The following MAD2L2 variants were observed in gnomAD, a reference collection of about 807,000 sequenced individuals.
The protein encoded by MAD2L2 is mitotic spindle assembly checkpoint protein MAD2B.
A neutral mutation model predicts 30.5 loss-of-function variants in MAD2L2; 17 were observed. The observed-to-expected ratio is 0.56, with a 90% confidence interval of 0.38 to 0.84. The LOEUF (loss-of-function observed/expected upper bound fraction) is 0.84. Ranked by LOEUF, MAD2L2 falls within the 40% of genes least tolerant of loss-of-function variation. The pLI, the probability that MAD2L2 is intolerant of heterozygous loss-of-function variation, is 0.00. For synonymous variants in MAD2L2, 101 were observed against 113.9 expected (o/e 0.89, Z 0.72); for missense variants, 213 against 277.4 (o/e 0.77, Z 1.65).
chr1:11,678,184 G>A (rs758373847), intron 3 of MAD2L2, among the ~76,000 whole-genome samples: 1 of 151,954 alleles, frequency 6.6e-6, no homozygotes, highest in Non-Finnish European at 1.5e-5. Flanking sequence ...AGAGGATGAG[G>A]TGGGTGGATC....
chr1:11,675,898 T>C, intron 6 of MAD2L2, 148 bp downstream of exon 6: 1 of 881,982 alleles, frequency 1.1e-6, no homozygotes, highest in Non-Finnish European at 1.9e-6. Flanking sequence ...CCAGGTAGAA[T>C]CAATCAGGGA....
chr1:11,674,727 C>A lies in MAD2L2; in HGVS notation c.*48G>T. 1 of 1,596,436 alleles carries A rather than the reference C, an allele frequency of 6.3e-7. No homozygotes were observed. The highest frequency in any genetic ancestry group is 8.6e-7 in the Non-Finnish European group (1 of 1,165,026). On this transcript the variant is annotated 3_prime_UTR_variant, in exon 9 of 9. Transcript: ENST00000376692. The surrounding 1 kb of genome is among the most constrained non-coding windows in gnomAD (Gnocchi z 6.1). ...ATGCAGCACTGCCCTAGGCGGGGAT[C>A]CCCCAAAGTCTGACAGTTTGGGCAT...
chr1:11,677,354 C>T, intron 4 of MAD2L2, 189 bp downstream of exon 4: 3 of 629,352 alleles, frequency 4.8e-6, no homozygotes, highest in Non-Finnish European at 5.5e-6. Context: ...CTGAACATGG[C>T]CCGCATGCCT....
At chr1:11,681,969 C>T (rs1246581383), upstream of MAD2L2, 1 of 152,160 alleles carries the variant, frequency 6.6e-6, no homozygotes, top group Non-Finnish European at 1.5e-5. Flanking sequence ...CCCCCAGGGG[C>T]GTGGACTCGG....
chr1:11,677,714 G>A (rs1372554332), intron 3 of MAD2L2, 100 bp from the exon 4 acceptor site: 2 of 935,282 alleles, frequency 2.1e-6, no homozygotes, highest in Admixed American at 2.2e-5. Flanking sequence ...TCGGTCCGAG[G>A]CCCAGCAGCT....
In MAD2L2 at chr1:11,680,338, T is replaced by C; in HGVS notation, c.159+15A>G. ...CCACCCTGTACCCACTCTGTGGTTC[T>C]GGGACGTGCCTCACCTGGACCGGCA... On this transcript the variant is annotated intron_variant, in intron 3 of 8. Coordinates refer to ENST00000376692, the MANE Select transcript of MAD2L2 (RefSeq NM_006341.4). The C allele has an allele frequency of 3.1e-6, 5 of 1,606,066 alleles. No individual in the cohort carries two copies. Among genetic ancestry groups the C allele is most frequent in the Non-Finnish European group, 4.3e-6 (5 of 1,173,292 alleles).
intron 3 of MAD2L2, 131 bp downstream of exon 3, chr1:11,680,222 C>A (rs1353124230): frequency 7.3e-6 from 5 of 684,032 alleles, no homozygotes; most frequent in Non-Finnish European, 9.9e-6. Flanking sequence ...TCTCGAACTC[C>A]TGACCTCAGG....
intron 1 of MAD2L2, among the ~76,000 whole-genome samples, chr1:11,689,837 C>G (rs963800815): frequency 1.3e-5 from 2 of 152,022 alleles, no homozygotes. Context: ...GTCAGGACCC[C>G]TTTCCTGTAA....
upstream of MAD2L2, among the ~76,000 whole-genome samples, chr1:11,686,055 C>T (rs1403182483): frequency 3.3e-5 from 5 of 152,114 alleles, no homozygotes; most frequent in Non-Finnish European, 7.4e-5. Context: ...TATTTAAGCC[C>T]CCAGAACAAA....
chr1:11,682,963 C>T (rs542383950), upstream of MAD2L2, among the ~76,000 whole-genome samples: 25 of 152,290 alleles, frequency 1.6e-4, no homozygotes, highest in African/African-American at 6.0e-4. Flanking sequence ...CACAGAGTTC[C>T]GTGGCTCCTT....
Position 11,677,520 on chromosome 1 carries a change from T to C in MAD2L2, c.231+23A>G, listed in dbSNP as rs111602058. Reference sequence around the variant, plus strand: ...GGGGGTGAGCATGGGGTGAGATGGCTGGGGAGCCCAGTGCACCCTCACCTT... The same window carrying C: ...GGGGGTGAGCATGGGGTGAGATGGCCGGGGAGCCCAGTGCACCCTCACCTT... On this transcript the variant is annotated intron_variant, in intron 4 of 8. Coordinates refer to ENST00000376692, the MANE Select transcript of MAD2L2 (RefSeq NM_006341.4). The C allele has an allele frequency of 4.4e-4, 715 of 1,610,960 alleles. 4 individuals carry two copies. In the African/African-American group the frequency reaches 8.6e-3, roughly 19 times the overall value.
intron 5 of MAD2L2, among the ~76,000 whole-genome samples, chr1:11,676,357 G>A (rs189120237): frequency 3.9e-5 from 6 of 152,232 alleles, no homozygotes; most frequent in Non-Finnish European, 5.9e-5. Flanking sequence ...AGAATTCGGC[G>A]GGGGGTAGGG....
intron 4 of MAD2L2, chr1:11,677,153 C>A: frequency 1.6e-6 from 1 of 620,554 alleles, no homozygotes; most frequent in South Asian, 1.9e-5. Context: ...TGAGAGAATG[C>A]CCGGGCCCCA....
chr1:11,681,206 C>T (rs957648953), upstream of MAD2L2: 4 of 152,246 alleles, frequency 2.6e-5, no homozygotes, highest in African/African-American at 9.6e-5. Flanking sequence ...CACGCCCATT[C>T]CCGCACGGCC....
chr1:11,679,542 T>G (rs977920660), intron 3 of MAD2L2, among the ~76,000 whole-genome samples: 3 of 151,008 alleles, frequency 2.0e-5, no homozygotes, highest in Non-Finnish European at 2.9e-5. Flanking sequence ...ACTTTTTTTT[T>G]TGGAGACATA....
chr1:11,682,459 C>A (rs535601209), upstream of MAD2L2, among the ~76,000 whole-genome samples: 6 of 132,012 alleles, frequency 4.5e-5, no homozygotes, highest in South Asian at 1.7e-3. Flanking sequence ...CCCCCCGCCC[C>A]CTGATGCCTT....
chr1:11,675,049 A>C (rs1382302556), intron 8 of MAD2L2, 33 bp downstream of exon 8: 1 of 1,535,686 alleles, frequency 6.5e-7, no homozygotes, highest in East Asian at 2.3e-5. Flanking sequence ...AGCAGCCCCT[A>C]AATAAAGCTT....
At chr1:11,691,312 T>C (rs1254597579) in intron 1 of MAD2L2, 4 of 152,110 alleles carry the variant, frequency 2.6e-5, no homozygotes, top group Non-Finnish European at 4.4e-5. Context: ...CCGCGGCCCT[T>C]TGTCGCCCGC....
chr1:11,680,096 AGG>A (rs1480287607), intron 3 of MAD2L2, among the ~76,000 whole-genome samples: 1 of 142,460 alleles, frequency 7.0e-6, no homozygotes, highest in Non-Finnish European at 1.5e-5. Flanking sequence ...CCTGGGTTCA[AGG>A]GATTCTCCTG....
Sources: gnomAD v4.1 joint callset for allele counts (sites outside exome capture counted in the v4.1 genomes callset) on GRCh38, gnomAD v4.1.1 for gene constraint, Gnocchi (gnomAD v3.1) non-coding constraint, MANE v1.5 for transcripts, NCBI Gene and HGNC (gene_info 2026-07-23, HGNC 2026-07-21) for gene names.